RAB11FIP5: variants seen among roughly 807,000 people sequenced by gnomAD.
RAB11FIP5 encodes the protein RAB11 family interacting protein 5, also known as rab11 family-interacting protein 5.
Under a neutral mutation model 85.1 loss-of-function variants are expected in RAB11FIP5, and 48 were observed. The observed-to-expected ratio is 0.56, with a 90% CI of 0.45 to 0.72. RAB11FIP5 has a LOEUF of 0.72. Ranked by LOEUF, RAB11FIP5 falls within the 30% of genes least tolerant of loss-of-function variation. The pLI is 0.00. For synonymous variants in RAB11FIP5, 729 were observed against 727.3 expected, an observed-to-expected ratio of 1.00 and a Z score of -0.04; for missense variants, 1,491 against 1,687.0, an observed-to-expected ratio of 0.88 and a Z score of 2.04.
chr2:73,081,500 C>CG lies in RAB11FIP5; in HGVS notation c.1731dup (p.Ala578ArgfsTer9), dbSNP rs1683983672. On this transcript the variant is annotated frameshift_variant, in exon 4 of 6. Coordinates refer to ENST00000486777, the MANE Select transcript of RAB11FIP5 (RefSeq NM_001371272.1). LOFTEE classifies it high-confidence loss of function. The surrounding 1 kb of genome is among the most constrained non-coding windows in gnomAD (Gnocchi z 4.2). ...TCAGGGGCGGCGGTGGTGGCGGCAG[C>CG]GGCAGCAGTGGCAGCAGCGGGGGAG... The CG allele has an allele frequency of 1.6e-6, 2 of 1,233,822 alleles. No homozygotes were observed. Among genetic ancestry groups the CG allele is most frequent in the Non-Finnish European group, 2.0e-6 (2 of 989,148 alleles). The allele number at this position is 1,233,822 out of a possible 1,614,324, so 76.4% of individuals were successfully genotyped here. A position where few individuals can be genotyped will look rare whatever the true frequency, so the allele number is the denominator to read the frequency against.
intron 1 of RAB11FIP5, among the ~76,000 whole-genome samples, chr2:73,105,581 C>A (rs1238638211): frequency 1.3e-5 from 2 of 152,010 alleles, no homozygotes; most frequent in Non-Finnish European, 2.9e-5. Context: ...GGCAGTGACT[C>A]CCTCCCAAAG....
chr2:73,088,254 T>C lies in RAB11FIP5; in HGVS notation c.1364A>G (p.Lys455Arg). Residue 455 changes from lysine to arginine, a missense_variant, in exon 3 of 6, where the codon AAG becomes AGG. Lys to Arg is a conservative substitution (Grantham distance 26, BLOSUM62 2). Coordinates refer to ENST00000486777, the MANE Select transcript of RAB11FIP5 (RefSeq NM_001371272.1). Reference sequence around the variant, plus strand: ...ACCCATCCGGGGCTTGCGTTCCTCCTTCCGGGCTCCCTCCTTCTCTGCCAC... The same window carrying C: ...ACCCATCCGGGGCTTGCGTTCCTCCCTCCGGGCTCCCTCCTTCTCTGCCAC... Reference protein sequence around the residue: ...EAVAEKEGARKEERKPRMGLF... With the variant: ...EAVAEKEGARREERKPRMGLF... 6.2e-7 allele frequency: 1 copy of C among 1,613,974 alleles called. No individual in the cohort carries two copies. The highest frequency in any genetic ancestry group is 8.5e-7 in the Non-Finnish European group (1 of 1,180,034).
intron 1 of RAB11FIP5, among the ~76,000 whole-genome samples, chr2:73,098,352 A>G (rs1684363647): frequency 1.3e-5 from 2 of 152,198 alleles, no homozygotes; most frequent in South Asian, 4.1e-4. Context: ...AGATAATACA[A>G]ATATTCCAAA....
At chr2:73,077,483 G>A (rs534481502) in intron 4 of RAB11FIP5, among the ~76,000 whole-genome samples, 6 of 152,282 alleles carry the variant, frequency 3.9e-5, no homozygotes, top group Admixed American at 6.5e-5. Context: ...GCAGGATAAT[G>A]ATCTCAGCAT....
chr2:73,100,692 CT>C (rs1420976529), intron 1 of RAB11FIP5, among the ~76,000 whole-genome samples: 2 of 152,140 alleles, frequency 1.3e-5, no homozygotes, highest in Admixed American at 1.3e-4. Context: ...TCCCAAAGTG[CT>C]GGGATTACAG....
At chr2:73,093,007 G>A (rs1238952930) in intron 1 of RAB11FIP5, among the ~76,000 whole-genome samples, 1 of 152,194 alleles carries the variant, frequency 6.6e-6, no homozygotes, top group Admixed American at 6.5e-5. Context: ...CCCTAGAGGT[G>A]CTACTTCCCT....
intron 3 of RAB11FIP5, among the ~76,000 whole-genome samples, chr2:73,085,668 C>T (rs1354732848): frequency 6.6e-6 from 1 of 152,176 alleles, no homozygotes; most frequent in African/African-American, 2.4e-5. Context: ...AAGGCCACAT[C>T]AGAGGAACAG....
Position 73,075,377 on chromosome 2 carries a change from G to A in RAB11FIP5, c.*144C>T, listed in dbSNP as rs1256359128. The A allele has an allele frequency of 3.5e-6, 3 of 865,150 alleles. No individual in the cohort carries two copies. Among genetic ancestry groups the A allele is most frequent in the Non-Finnish European group, 3.9e-6 (2 of 516,822 alleles). 53.6% of individuals were successfully genotyped at this position (865,150 alleles called of 1,614,324 possible). ...GAATCCAGAGGGCCCCCTTCCAGCA[G>A]CCCCAGTTGAGGCAGGAGGGAGAGG... On this transcript the variant is annotated 3_prime_UTR_variant, in exon 6 of 6. Transcript: ENST00000486777. This position sits in a 1 kb window ranked among gnomAD's most constrained non-coding sequence, Gnocchi z 4.6.
In RAB11FIP5 at chr2:73,075,702, G is replaced by A. The variant is rs376829289; in HGVS notation, c.3794C>T (p.Ser1265Leu). ...GTGGGTCAGGTGGTAGTACTTGGCC[G>A]ACTGGTCCAGCACAGCTGAGTCCTG... is the stretch of plus-strand genomic sequence containing the variant. ...RLKDSAVLDQ[S>L]AKYYHLTHDE... The change falls in exon 6 of 6, where the codon TCG becomes TTG. Residue 1265 changes from serine (S) to leucine (L), a missense_variant. Coordinates refer to ENST00000486777, the MANE Select transcript of RAB11FIP5 (RefSeq NM_001371272.1). This position sits in a 1 kb window ranked among gnomAD's most constrained non-coding sequence, Gnocchi z 4.6. 5.0e-6 allele frequency: 8 copies of A among 1,609,712 alleles called. No individual in the cohort carries two copies. Among genetic ancestry groups the A allele is most frequent in the African/African-American group, 4.0e-5 (3 of 74,848 alleles).
rs148220987 is a variant in RAB11FIP5 at position 73,088,236 on chromosome 2, C to T, written c.1382G>A (p.Arg461Gln). The change falls in exon 3 of 6, where the codon CGG becomes CAG. Residue 461 changes from arginine (R) to glutamine (Q), a missense_variant. By Grantham distance (43) the Arg-to-Gln change is conservative (BLOSUM62 1). Coordinates refer to ENST00000486777, the MANE Select transcript of RAB11FIP5 (RefSeq NM_001371272.1). ...GTGGTGGTGGTGGAAGAGACCCATC[C>T]GGGGCTTGCGTTCCTCCTTCCGGGC... ...EGARKEERKP[R>Q]MGLFHHHHQG... 8 of 1,613,884 alleles carry T rather than the reference C, an allele frequency of 5.0e-6. No individual in the cohort carries two copies. Among genetic ancestry groups the T allele is most frequent in the South Asian group, 2.2e-5 (2 of 91,086 alleles).
chr2:73,097,000 C>G (rs564533459), intron 1 of RAB11FIP5, among the ~76,000 whole-genome samples: 1 of 152,220 alleles, frequency 6.6e-6, no homozygotes, highest in Admixed American at 6.5e-5. Context: ...CTCAGTCTTC[C>G]CTGAGTACCC....
intron 4 of RAB11FIP5, among the ~76,000 whole-genome samples, chr2:73,076,509 C>G (rs964170204): frequency 2.0e-5 from 3 of 152,174 alleles, no homozygotes; most frequent in African/African-American, 7.2e-5. Flanking sequence ...CAGGGACACC[C>G]TCCCCCAGCC....
rs985695387 is a variant in RAB11FIP5 at position 73,081,334 on chromosome 2, G to A, written c.1898C>T (p.Ala633Val). Residue 633 changes from alanine (A) to valine (V), a missense_variant, in exon 4 of 6, where the codon GCC (alanine) becomes GTC (valine). This residue lies in a region of RAB11FIP5 where 1,211 missense variants were observed against 1,338.0 expected (regional missense o/e 0.91). Coordinates refer to ENST00000486777, the MANE Select transcript of RAB11FIP5 (RefSeq NM_001371272.1). This position sits in a 1 kb window ranked among gnomAD's most constrained non-coding sequence, Gnocchi z 4.2. ...AGGGGAGGCCAGGGGGGTGGGGCTG[G>A]CCCTCGAGGCACTGGGGAGAGAGGG... ...PAPSLPSASR[A>V]SPTPLASPGK... The A allele has an allele frequency of 3.2e-6, 4 of 1,232,752 alleles. No individual in the cohort carries two copies. In the African/African-American group the frequency reaches 4.7e-5, roughly 14 times the overall value. The allele number at this position is 1,232,752 out of a possible 1,614,324, so 76.4% of individuals were successfully genotyped here.
At chr2:73,109,772 C>G (rs1197101301) in intron 1 of RAB11FIP5, among the ~76,000 whole-genome samples, 1 of 152,204 alleles carries the variant, frequency 6.6e-6, no homozygotes, top group Non-Finnish European at 1.5e-5. Context: ...TGTACTCCGT[C>G]ACCCATGGTC....
chr2:73,112,018 C>T (rs1684667727), intron 1 of RAB11FIP5, among the ~76,000 whole-genome samples: 1 of 152,128 alleles, frequency 6.6e-6, no homozygotes, highest in South Asian at 2.1e-4. Context: ...AAGAACGGCC[C>T]CAAGATTTCC....
rs980571484 is a variant in RAB11FIP5 at position 73,079,978 on chromosome 2, G to C, written c.3254C>G (p.Ser1085Trp). The C allele has an allele frequency of 8.1e-7, 1 of 1,232,214 alleles. No homozygotes were observed. The highest frequency in any genetic ancestry group is 1.0e-6 in the Non-Finnish European group (1 of 988,026). The allele number at this position is 1,232,214 out of a possible 1,614,324, so 76.3% of individuals were successfully genotyped here. The change falls in exon 4 of 6, where the codon TCG becomes TGG. Residue 1085 changes from serine (S) to tryptophan (W), a missense_variant. Around this residue, in one of 3 missense-constraint regions of RAB11FIP5, gnomAD observed 48 missense variants for 89.9 expected, o/e 0.53. Transcript: ENST00000486777. ...ACCAGAATGAATAGAAGATTCCCTC[G>C]ACCCTGGCGGGGATGCAGATGAGAG... ...PSLSSASPPGSRESSIHSGPE... is the reference protein window; with the variant it reads ...PSLSSASPPGWRESSIHSGPE...
intron 1 of RAB11FIP5, among the ~76,000 whole-genome samples, chr2:73,111,996 C>T (rs536145726): frequency 1.3e-5 from 2 of 152,278 alleles, no homozygotes; most frequent in South Asian, 4.1e-4. Context: ...GGGAGGCAGG[C>T]CCGGAGGTTC....
chr2:73,098,786 CT>C (rs1684373872), intron 1 of RAB11FIP5, among the ~76,000 whole-genome samples: 2 of 152,262 alleles, frequency 1.3e-5, no homozygotes, highest in South Asian at 4.1e-4. Flanking sequence ...TTTATTTCCC[CT>C]AATCTCTAAC....
rs1284226929 is a variant in RAB11FIP5, at chr2:73,088,906, G to C, written c.841C>G (p.Arg281Gly). The C allele has an allele frequency of 6.3e-7, 1 of 1,587,916 alleles. No homozygotes were observed. The highest frequency in any genetic ancestry group is 8.6e-7 in the Non-Finnish European group (1 of 1,166,684). The change falls in exon 2 of 6, where the codon CGT (arginine) becomes GGT (glycine). Residue 281 changes from arginine to glycine, a missense_variant. By Grantham distance (125) the Arg-to-Gly change is moderately radical (BLOSUM62 -2). Coordinates refer to ENST00000486777, the MANE Select transcript of RAB11FIP5 (RefSeq NM_001371272.1). ...CCTTCAGTGGACAGCCAGCTGCTAC[G>C]GCTTGGTGAGCGGGTGAGGAGTTCG... Reference protein sequence around the residue: ...GAELLTRSPSRSSWLSTEGGR... With the variant: ...GAELLTRSPSGSSWLSTEGGR...
Sources: gnomAD v4.1 joint callset for allele counts (sites outside exome capture counted in the v4.1 genomes callset) on GRCh38, gnomAD v4.1.1 for gene constraint, gnomAD v4.1.1 regional missense constraint, Gnocchi (gnomAD v3.1) non-coding constraint, MANE v1.5 for transcripts, NCBI Gene and HGNC (gene_info 2026-07-23, HGNC 2026-07-21) for gene names.